Variants in DENND5B observed in about 807,000 individuals in gnomAD.
DENND5B encodes the protein DENN domain containing 5B.
Under a neutral mutation model 140.6 loss-of-function variants are expected in DENND5B, and 34 were observed. That is an observed-to-expected ratio of 0.24 (90% CI 0.18 to 0.32). The LOEUF (loss-of-function observed/expected upper bound fraction) is 0.32, where lower values mean the gene tolerates loss of function less well. Among genes scored for constraint, DENND5B ranks in the 10% least tolerant of loss-of-function variants. The pLI is 1.00. For missense variants in DENND5B, 1,142 were observed against 1,560.2 expected, an observed-to-expected ratio of 0.73 and a Z score of 4.52; for synonymous variants, 551 against 562.1, an observed-to-expected ratio of 0.98 and a Z score of 0.28.
intron 4 of DENND5B, among the ~76,000 whole-genome samples, chr12:31,458,229 A>G (rs933064407): frequency 6.6e-6 from 1 of 152,238 alleles, no homozygotes; most frequent in African/African-American, 2.4e-5. Context: ...AACTACAGAT[A>G]TATCAAGCTG....
At chr12:31,479,477 A>G (rs1031527207) in intron 3 of DENND5B, 112 bp downstream of exon 3, 20 of 1,086,114 alleles carry the variant, frequency 1.8e-5, no homozygotes, top group Middle Eastern at 3.1e-4. Flanking sequence ...TTTACACAAA[A>G]CAGAAAAGAC....
At chr12:31,588,976 T>C (rs1950500083) in intron 1 of DENND5B, among the ~76,000 whole-genome samples, 2 of 152,216 alleles carry the variant, frequency 1.3e-5, no homozygotes, top group Admixed American at 1.3e-4. Flanking sequence ...GACATCATAG[T>C]TTGTTTCTTA....
intron 7 of DENND5B, among the ~76,000 whole-genome samples, chr12:31,439,662 GC>G (rs1943938454): frequency 6.6e-6 from 1 of 152,042 alleles, no homozygotes; most frequent in African/African-American, 2.4e-5. Context: ...GGGTGCAGTG[GC>G]TCACGCCTGT....
At chr12:31,585,006 A>C (rs1167293701) in intron 1 of DENND5B, among the ~76,000 whole-genome samples, 1 of 152,162 alleles carries the variant, frequency 6.6e-6, no homozygotes, top group African/African-American at 2.4e-5. Context: ...CGAAGAGGGT[A>C]GGGGAGTGGT....
intron 1 of DENND5B, among the ~76,000 whole-genome samples, chr12:31,504,460 T>C (rs975458804): frequency 2.6e-5 from 4 of 152,154 alleles, no homozygotes; most frequent in East Asian, 1.9e-4. Flanking sequence ...AGGGACCCCA[T>C]CCCCAGCTCA....
intron 1 of DENND5B, among the ~76,000 whole-genome samples, chr12:31,521,659 A>G (rs1308923897): frequency 6.6e-6 from 1 of 152,114 alleles, no homozygotes; most frequent in Non-Finnish European, 1.5e-5. Flanking sequence ...GTCAACAAAG[A>G]CCACCACCAT....
Position 31,480,218 on chromosome 12 carries a change from G to C in DENND5B, c.275C>G (p.Thr92Arg), listed in dbSNP as rs199806993. Residue 92 changes from threonine to arginine, a missense_variant, in exon 3 of 21, where the codon ACG becomes AGG. Transcript: ENST00000389082. The part of the protein sequence containing the change: ...MPKGLSFRTQ[T>R]DNKDPQFHSF... Reference sequence around the variant, plus strand: ...GTGAAACTGGGGGTCTTTATTGTCCGTTTGTGTCCTGAAAGATAGCCCTTT... The same window carrying C: ...GTGAAACTGGGGGTCTTTATTGTCCCTTTGTGTCCTGAAAGATAGCCCTTT... The C allele has an allele frequency of 6.3e-7, 1 of 1,595,074 alleles. No homozygotes were observed. The highest frequency in any genetic ancestry group is 1.3e-5 in the African/African-American group (1 of 74,590).
chr12:31,432,783 A>AT, intron 8 of DENND5B: 1 of 161,192 alleles, frequency 6.2e-6, no homozygotes, highest in Non-Finnish European at 1.3e-5. Context: ...AGAACAAAGC[A>AT]TAGGCAAGTA....
At chr12:31,436,074 C>T (rs1943740234) in intron 7 of DENND5B, among the ~76,000 whole-genome samples, 1 of 151,828 alleles carries the variant, frequency 6.6e-6, no homozygotes, top group South Asian at 2.1e-4. Context: ...GCCGGGATTA[C>T]AGGTGTGTCT....
At chr12:31,551,205 T>G (rs1055078543) in intron 1 of DENND5B, among the ~76,000 whole-genome samples, 2 of 152,156 alleles carry the variant, frequency 1.3e-5, no homozygotes, top group African/African-American at 2.4e-5. Context: ...GGTCTAACAT[T>G]TAAGTCTTTA....
chr12:31,553,780 A>G (rs1435604754), intron 1 of DENND5B, among the ~76,000 whole-genome samples: 9 of 150,810 alleles, frequency 6.0e-5, no homozygotes, highest in African/African-American at 2.2e-4. Flanking sequence ...AGGATAGTTA[A>G]CTCTTCTTGT....
At chr12:31,531,257 T>C (rs1489748799) in intron 1 of DENND5B, among the ~76,000 whole-genome samples, 1 of 152,196 alleles carries the variant, frequency 6.6e-6, no homozygotes, top group East Asian at 1.9e-4. Flanking sequence ...TGGAGTGCAA[T>C]GGCGCAGTCT....
At chr12:31,463,897 A>G (rs1365254317) in intron 3 of DENND5B, among the ~76,000 whole-genome samples, 9 of 151,990 alleles carry the variant, frequency 5.9e-5, no homozygotes, top group Non-Finnish European at 1.5e-5. Context: ...CGAACTCCTG[A>G]CCTCAGGTGA....
At chr12:31,442,249 A>C (rs1210652600) in intron 7 of DENND5B, among the ~76,000 whole-genome samples, 1 of 152,190 alleles carries the variant, frequency 6.6e-6, no homozygotes, top group East Asian at 1.9e-4. Context: ...GGCTGTTGCT[A>C]AACTCTCTTA....
At chr12:31,482,926 C>T (rs1435544538) in intron 2 of DENND5B, among the ~76,000 whole-genome samples, 2 of 152,236 alleles carry the variant, frequency 1.3e-5, no homozygotes, top group African/African-American at 4.8e-5. Context: ...CTTATAATGG[C>T]CTGCAGGGAA....
At chr12:31,475,412 T>C (rs1945758442) in intron 3 of DENND5B, among the ~76,000 whole-genome samples, 1 of 152,060 alleles carries the variant, frequency 6.6e-6, no homozygotes, top group Admixed American at 6.6e-5. Context: ...TGAAATAAAT[T>C]GGTAGATATT....
chr12:31,432,079 TG>T (rs1360145044), intron 8 of DENND5B: 1 of 985,234 alleles, frequency 1.0e-6, no homozygotes, highest in East Asian at 1.1e-4. Flanking sequence ...TAGGAAGTCG[TG>T]CAGGAGGAGG....
At chr12:31,421,388 A>C (rs1943016566) in intron 11 of DENND5B, among the ~76,000 whole-genome samples, 1 of 152,180 alleles carries the variant, frequency 6.6e-6, no homozygotes, top group South Asian at 2.1e-4. Context: ...GACAATGCAG[A>C]CTGTTTATTG....
intron 1 of DENND5B, among the ~76,000 whole-genome samples, chr12:31,577,060 G>T (rs1277821233): frequency 2.6e-5 from 4 of 152,150 alleles, no homozygotes; most frequent in African/African-American, 9.7e-5. Context: ...GAAAATAAGG[G>T]TGATCTTTGA....
Sources: gnomAD v4.1 joint callset for allele counts (sites outside exome capture counted in the v4.1 genomes callset) on GRCh38, gnomAD v4.1.1 for gene constraint, MANE v1.5 for transcripts, NCBI Gene and HGNC (gene_info 2026-07-23, HGNC 2026-07-21) for gene names.